Variants in FOXN3 observed in about 807,000 individuals in gnomAD.
The protein encoded by FOXN3 is forkhead box N3.
A neutral mutation model predicts 38.4 loss-of-function variants in FOXN3; 7 were observed. The ratio of observed to expected loss-of-function variants is 0.18; its 90% CI spans 0.10 to 0.34. The LOEUF (loss-of-function observed/expected upper bound fraction) is 0.34. FOXN3 is among the 10% of genes least tolerant of loss of function. FOXN3 has a pLI of 1.00. For synonymous variants in FOXN3, 230 were observed against 242.2 expected (o/e 0.95, Z 0.47); for missense variants, 456 against 613.4 (o/e 0.74, Z 2.71).
intron 1 of FOXN3, among the ~76,000 whole-genome samples, chr14:89,563,910 C>A (rs1301389692): frequency 3.3e-5 from 5 of 152,128 alleles, no homozygotes; most frequent in Admixed American, 3.3e-4. Context: ...AGCACAGTGG[C>A]TCAATCTCGG....
chr14:89,441,992 T>A (rs374824774), intron 1 of FOXN3, among the ~76,000 whole-genome samples: 2 of 149,588 alleles, frequency 1.3e-5, no homozygotes, highest in Middle Eastern at 6.8e-3. Context: ...AATGGCATGA[T>A]CTCGGCTCAC....
chr14:89,563,343 T>C (rs1661038605), intron 1 of FOXN3, among the ~76,000 whole-genome samples: 1 of 152,228 alleles, frequency 6.6e-6, no homozygotes, highest in African/African-American at 2.4e-5. Flanking sequence ...TTCTATCTCA[T>C]CTGATTCTCA....
intron 2 of FOXN3, among the ~76,000 whole-genome samples, chr14:89,380,732 T>C (rs762851236): frequency 6.6e-6 from 1 of 152,198 alleles, no homozygotes; most frequent in Non-Finnish European, 1.5e-5. Flanking sequence ...TCACAGACCA[T>C]GGGCAGTTTT....
chr14:89,369,599 G>A (rs1291526106), intron 2 of FOXN3, among the ~76,000 whole-genome samples: 1 of 151,756 alleles, frequency 6.6e-6, no homozygotes, highest in Non-Finnish European at 1.5e-5. Flanking sequence ...CCACATGGCT[G>A]GGGAGGCCTC....
chr14:89,436,289 TAAAAAAA>T lies in FOXN3; in HGVS notation c.-14-23806_-14-23800del, dbSNP rs77915176. ...GGCCAGAAAAGGTTTGTTTATTCATTAAAAAAAAAAAAAAAAGTTAATTTATAAAGAA... is the reference window on the plus strand; with the variant it reads ...GGCCAGAAAAGGTTTGTTTATTCATTAAAAAAAAAGTTAATTTATAAAGAA... On this transcript the variant is annotated intron_variant, in intron 1 of 6. Transcript: ENST00000345097. Among the ~76,000 whole-genome samples, 4 of 134,836 alleles carry T rather than the reference TAAAAAAA, an allele frequency of 3.0e-5. No individual in the cohort carries two copies. In the South Asian group the frequency reaches 7.4e-4, roughly 25 times the overall value. 88.5% of individuals were successfully genotyped at this position (134,836 alleles called of 152,430 possible).
intron 4 of FOXN3, among the ~76,000 whole-genome samples, chr14:89,208,559 A>G (rs549991792): frequency 5.5e-4 from 84 of 152,286 alleles, no homozygotes; most frequent in African/African-American, 2.0e-3. Context: ...AGACTCTTTC[A>G]CTTTAAAAAT....
At chr14:89,326,714 G>A (rs1191568077) in intron 3 of FOXN3, among the ~76,000 whole-genome samples, 1 of 151,912 alleles carries the variant, frequency 6.6e-6, no homozygotes, top group Non-Finnish European at 1.5e-5. Context: ...CAAAAAAAAA[G>A]AATCAGAGCT....
intron 1 of FOXN3, among the ~76,000 whole-genome samples, chr14:89,566,002 A>C (rs747097612): frequency 6.6e-6 from 1 of 152,224 alleles, no homozygotes; most frequent in Non-Finnish European, 1.5e-5. Context: ...AAAGAAAGAA[A>C]AGAAATCCTG....
intron 3 of FOXN3, among the ~76,000 whole-genome samples, chr14:89,301,626 G>C (rs1195404015): frequency 6.6e-6 from 1 of 151,946 alleles, no homozygotes; most frequent in African/African-American, 2.4e-5. Flanking sequence ...AAATTACCTG[G>C]GTGCAGTGGC....
At chr14:89,485,727 G>A (rs1200961581) in intron 1 of FOXN3, among the ~76,000 whole-genome samples, 1 of 152,126 alleles carries the variant, frequency 6.6e-6, no homozygotes, top group African/African-American at 2.4e-5. Context: ...CTCCACTCCA[G>A]GATCCTTAAG....
chr14:89,350,500 T>C, intron 3 of FOXN3, 172 bp downstream of exon 3: 1 of 514,730 alleles, frequency 1.9e-6, no homozygotes, highest in Non-Finnish European at 3.2e-6. Flanking sequence ...AGCGGTAAGG[T>C]TTGTAGGAAA....
intron 4 of FOXN3, among the ~76,000 whole-genome samples, chr14:89,210,132 T>C (rs1351897868): frequency 1.3e-5 from 2 of 152,176 alleles, no homozygotes; most frequent in Admixed American, 1.3e-4. Context: ...CCAAATCTCA[T>C]GTTCAGTTGT....
intron 1 of FOXN3, among the ~76,000 whole-genome samples, chr14:89,447,120 C>T (rs1596277383): frequency 2.7e-5 from 4 of 150,760 alleles, no homozygotes; most frequent in South Asian, 4.2e-4. Context: ...CGCTTGATCC[C>T]GGGAGGCAGA....
intron 3 of FOXN3, among the ~76,000 whole-genome samples, chr14:89,288,702 CTCTCTCTCTCTCTCTCTCTCTCTATATA>C (rs1886735539): frequency 1.2e-4 from 12 of 98,672 alleles, no homozygotes; most frequent in African/African-American, 5.7e-4. Context: ...CTCTCTCTCT[CTCTCTCTCTCTCTCTCTCTCTCTATATA>C]TATATATATA....
chr14:89,466,266 G>A (rs1892974342), intron 1 of FOXN3, among the ~76,000 whole-genome samples: 1 of 152,122 alleles, frequency 6.6e-6, no homozygotes. Context: ...ATCCGCTTAA[G>A]GCAAACTGAG....
chr14:89,279,522 T>C (rs1205134128), intron 4 of FOXN3, among the ~76,000 whole-genome samples: 2 of 152,180 alleles, frequency 1.3e-5, no homozygotes, highest in Non-Finnish European at 2.9e-5. Flanking sequence ...GCTATAGTTC[T>C]AGAGGAAAAA....
chr14:89,255,080 T>C (rs935551451), intron 4 of FOXN3, among the ~76,000 whole-genome samples: 5 of 152,214 alleles, frequency 3.3e-5, no homozygotes, highest in African/African-American at 1.2e-4. Context: ...GGGGCTACTC[T>C]ATAAAGCTCT....
chr14:89,402,438 C>A (rs1891274029), intron 2 of FOXN3, among the ~76,000 whole-genome samples: 1 of 152,216 alleles, frequency 6.6e-6, no homozygotes, highest in Non-Finnish European at 1.5e-5. Context: ...CATTTGCCTC[C>A]TAAACATCTA....
chr14:89,420,194 A>T (rs1196759867), upstream of FOXN3, among the ~76,000 whole-genome samples: 1 of 152,148 alleles, frequency 6.6e-6, no homozygotes, highest in African/African-American at 2.4e-5. Flanking sequence ...GACTTTTAGC[A>T]CCCACCACCT....
Sources: gnomAD v4.1 joint callset for allele counts (sites outside exome capture counted in the v4.1 genomes callset) on GRCh38, gnomAD v4.1.1 for gene constraint, MANE v1.5 for transcripts, NCBI Gene and HGNC (gene_info 2026-07-23, HGNC 2026-07-21) for gene names.